ABCB7: variants seen among roughly 807,000 people sequenced by gnomAD.
ABCB7 encodes iron-sulfur clusters transporter ABCB7, mitochondrial.
Under a neutral mutation model 54.4 loss-of-function variants are expected in ABCB7, and 7 were observed. That is an observed-to-expected ratio of 0.13 (90% CI 0.07 to 0.24). The LOEUF is 0.24. ABCB7 is among the 10% of genes least tolerant of loss of function. ABCB7 has a pLI of 1.00. For missense variants in ABCB7, 356 were observed against 570.4 expected, an observed-to-expected ratio of 0.62 and a Z score of 3.83; for synonymous variants, 218 against 207.1, an observed-to-expected ratio of 1.05 and a Z score of -0.45.
chrX:75,074,824 C>A (rs2081393042), intron 6 of ABCB7, among the ~76,000 whole-genome samples: 2 of 110,893 alleles, frequency 1.8e-5, no homozygotes, highest in African/African-American at 6.5e-5. Flanking sequence ...GGAATGGACA[C>A]TGGGGCCTAT....
At chrX:75,117,361 C>T (rs999138666) in intron 1 of ABCB7, among the ~76,000 whole-genome samples, 2 of 110,948 alleles carry the variant, frequency 1.8e-5, no homozygotes, top group Non-Finnish European at 1.9e-5. Flanking sequence ...CACCTGCGCA[C>T]ACCAATTGAC....
At chrX:75,115,942 G>T (rs1421882815) in intron 1 of ABCB7, among the ~76,000 whole-genome samples, 1 of 111,450 alleles carries the variant, frequency 9.0e-6, no homozygotes, top group Non-Finnish European at 1.9e-5. Context: ...CAACCTGACT[G>T]CTATAGTATC....
intron 1 of ABCB7, among the ~76,000 whole-genome samples, chrX:75,123,991 T>C (rs749305516): frequency 8.9e-6 from 1 of 112,208 alleles, no homozygotes; most frequent in South Asian, 3.7e-4. Context: ...TCACAAAATA[T>C]TCTTCTTGAT....
intron 1 of ABCB7, among the ~76,000 whole-genome samples, chrX:75,134,324 A>G (rs1186004880): frequency 8.9e-6 from 1 of 111,916 alleles, no homozygotes; most frequent in Non-Finnish European, 1.9e-5. Flanking sequence ...CAGATTAATA[A>G]AAGAAGTTCC....
intron 1 of ABCB7, among the ~76,000 whole-genome samples, chrX:75,153,752 G>A (rs374234315): frequency 5.1e-3 from 48 of 9,391 alleles, no homozygotes; most frequent in Non-Finnish European, 5.4e-3. Flanking sequence ...GTGTGCGTGT[G>A]TGTGTGTGTA....
At chrX:75,136,602 G>A (rs1339429667) in intron 1 of ABCB7, among the ~76,000 whole-genome samples, 1 of 111,049 alleles carries the variant, frequency 9.0e-6, no homozygotes, top group Non-Finnish European at 1.9e-5. Flanking sequence ...AAAAGCTGGA[G>A]GCATGGAGGC....
In ABCB7 at chrX:75,119,276, G is replaced by T. The variant is rs188893800; in HGVS notation, c.169-4445C>A. 3.0e-3 allele frequency among the ~76,000 whole-genome samples: 334 copies of T among 112,143 alleles called. 1 individual carries two copies. The highest frequency in any genetic ancestry group is 5.2e-3 in the Non-Finnish European group (277 of 53,230). On this transcript the variant is annotated intron_variant, in intron 1 of 15. Coordinates refer to ENST00000373394, the MANE Select transcript of ABCB7 (RefSeq NM_001271696.3). ...AAGGATTTTTCTGCCTAGATTAAAG[G>T]GTTAAAGGATTGTTTTAAGTTAGGA...
At chrX:75,099,343 T>C (rs1308783096) in intron 3 of ABCB7, among the ~76,000 whole-genome samples, 1 of 111,890 alleles carries the variant, frequency 8.9e-6, no homozygotes, top group Non-Finnish European at 1.9e-5. Flanking sequence ...AAGGGACATG[T>C]ACTATACATT....
chrX:75,053,501 T>C lies in ABCB7; in HGVS notation c.2128A>G (p.Ser710Gly). Reference sequence around the variant, plus strand: ...GGGTTATCATGGTTCTGCACACGGCTGCTCTGTGTATGCCACATTTCTGAA... The same window carrying C: ...GGGTTATCATGGTTCTGCACACGGCCGCTCTGTGTATGCCACATTTCTGAA... ...IYSEMWHTQSSRVQNHDNPKW... is the reference protein window; with the variant it reads ...IYSEMWHTQSGRVQNHDNPKW... The change falls in exon 16 of 16, where the codon AGC becomes GGC. Residue 710 changes from serine (S) to glycine (G), a missense_variant. By Grantham distance (56) the Ser-to-Gly change is moderately conservative. Around this residue, in one of 2 missense-constraint regions of ABCB7, gnomAD observed 241 missense variants for 470.9 expected, o/e 0.51. Coordinates refer to ENST00000373394, the MANE Select transcript of ABCB7 (RefSeq NM_001271696.3). 1.7e-6 allele frequency: 2 copies of C among 1,211,102 alleles called. No individual in the cohort carries two copies. The highest frequency in any genetic ancestry group is 2.2e-6 in the Non-Finnish European group (2 of 894,898).
chrX:75,060,405 T>A (rs2081273721), intron 14 of ABCB7, 75 bp from the exon 15 acceptor site: 1 of 808,400 alleles, frequency 1.2e-6, no homozygotes, highest in Non-Finnish European at 1.8e-6. Context: ...ATTAAAATAA[T>A]CATACATTTC....
At chrX:75,115,266 C>CAAAAAAAAAAAAAAAA (rs1160024642) in intron 1 of ABCB7, among the ~76,000 whole-genome samples, 18 of 13,243 alleles carry the variant, frequency 1.4e-3, no homozygotes, top group Non-Finnish European at 1.8e-3. Context: ...GACTCTGTCT[C>CAAAAAAAAAAAAAAAA]AAAAAAAAAA....
In ABCB7 at chrX:75,114,807, T is replaced by A. The variant is rs201637276; in HGVS notation, c.193A>T (p.Thr65Ser). 1.3e-5 allele frequency: 16 copies of A among 1,198,708 alleles called. No homozygotes were observed. Among genetic ancestry groups the A allele is most frequent in the Non-Finnish European group, 1.8e-5 (16 of 887,776 alleles). The change falls in exon 2 of 16, where the codon ACA becomes TCA. Residue 65 changes from threonine to serine, a missense_variant. By Grantham distance (58) the Thr-to-Ser change is moderately conservative (BLOSUM62 1). Transcript: ENST00000373394. ...YQIPESLKSITWQRLGKGNSG... is the reference protein window; with the variant it reads ...YQIPESLKSISWQRLGKGNSG... ...TTGCCTTTTCCCAATCTCTGCCATG[T>A]GATACTTTTTAATGACTCTGGAATC...
chrX:75,152,780 C>T (rs1408658126), intron 1 of ABCB7, among the ~76,000 whole-genome samples: 2 of 109,107 alleles, frequency 1.8e-5, no homozygotes, highest in Non-Finnish European at 3.8e-5. Context: ...CTGTCTCAGT[C>T]TCCTGAGTAG....
At chrX:75,127,462 G>A (rs1036407706) in intron 1 of ABCB7, among the ~76,000 whole-genome samples, 6 of 111,576 alleles carry the variant, frequency 5.4e-5, no homozygotes, top group Non-Finnish European at 9.4e-5. Flanking sequence ...ATACTAAATG[G>A]GCAAAAACTG....
At chrX:75,094,411 T>C (rs2081572712) in intron 4 of ABCB7, among the ~76,000 whole-genome samples, 1 of 111,930 alleles carries the variant, frequency 8.9e-6, no homozygotes, top group South Asian at 3.7e-4. Context: ...AAAATACTAA[T>C]AGAAAAGTTG....
At chrX:75,136,329 T>C (rs767027249) in intron 1 of ABCB7, among the ~76,000 whole-genome samples, 7 of 111,100 alleles carry the variant, frequency 6.3e-5, no homozygotes, top group African/African-American at 9.8e-5. Flanking sequence ...TCAACACTGC[T>C]AAAAGAAATC....
At chrX:75,148,419 G>A (rs2082108279) in intron 1 of ABCB7, among the ~76,000 whole-genome samples, 1 of 108,081 alleles carries the variant, frequency 9.3e-6, no homozygotes, top group Non-Finnish European at 1.9e-5. Flanking sequence ...CCAGACTGGA[G>A]TATATCTTTC....
intron 1 of ABCB7, among the ~76,000 whole-genome samples, chrX:75,124,208 C>T (rs1390629160): frequency 1.8e-5 from 2 of 111,345 alleles, no homozygotes; most frequent in Admixed American, 1.9e-4. Context: ...TCCACCAGCA[C>T]CACCACAAAA....
Position 75,152,041 on chromosome X carries a change from T to C in ABCB7, c.168+4064A>G, listed in dbSNP as rs183447214. 3.7e-3 allele frequency among the ~76,000 whole-genome samples: 414 copies of C among 111,949 alleles called. 3 individuals carry two copies. Among genetic ancestry groups the C allele is most frequent in the African/African-American group, 0.013 (396 of 30,780 alleles). ...TGTTGAAATCAAGATAGACTGTCAC[T>C]CACTCATATGAATAATTGGTTTGGT... On this transcript the variant is annotated intron_variant, in intron 1 of 15. Transcript: ENST00000373394.
Sources: gnomAD v4.1 joint callset for allele counts (sites outside exome capture counted in the v4.1 genomes callset) on GRCh38, gnomAD v4.1.1 for gene constraint, gnomAD v4.1.1 regional missense constraint, MANE v1.5 for transcripts, NCBI Gene and HGNC (gene_info 2026-07-23, HGNC 2026-07-21) for gene names.